Variants in CREBBP observed in about 807,000 individuals in gnomAD.
CREBBP encodes CREB binding lysine acetyltransferase.
In CREBBP, 19 loss-of-function variants were observed where a neutral mutation model predicts 265.0. The ratio of observed to expected loss-of-function variants is 0.07; its 90% CI spans 0.05 to 0.11. The LOEUF is 0.11. Ranked by LOEUF, CREBBP falls within the 10% of genes least tolerant of loss-of-function variation. The probability of loss-of-function intolerance (pLI) is 1.00; values close to 1 mark genes in which losing one functional copy is unlikely to be tolerated. For missense variants in CREBBP, 2,525 were observed against 3,219.0 expected (o/e 0.78, Z 5.22); for synonymous variants, 1,457 against 1,223.7 (o/e 1.19, Z -3.98).
chr16:3,861,151 A>T (rs1040260842), intron 1 of CREBBP, among the ~76,000 whole-genome samples: 5 of 152,140 alleles, frequency 3.3e-5, no homozygotes, highest in African/African-American at 1.2e-4. Flanking sequence ...GCGTGGTGGC[A>T]GGTGCCTATA....
chr16:3,856,095 A>G (rs190227649), intron 1 of CREBBP, among the ~76,000 whole-genome samples: 45 of 152,366 alleles, frequency 3.0e-4, no homozygotes, highest in African/African-American at 1.0e-3. Context: ...AAAAGGAAAA[A>G]AGAAAATATG....
chr16:3,831,133 G>C (rs12923533), intron 2 of CREBBP, among the ~76,000 whole-genome samples: 1 of 152,094 alleles, frequency 6.6e-6, no homozygotes, highest in African/African-American at 2.4e-5. Flanking sequence ...TTGCTGGGCC[G>C]TAAGACAAGT....
At chr16:3,877,641 T>A (rs559272704) in intron 1 of CREBBP, among the ~76,000 whole-genome samples, 30 of 152,196 alleles carry the variant, frequency 2.0e-4, no homozygotes, top group African/African-American at 7.0e-4. Flanking sequence ...TGACCTGAAG[T>A]TGATCCACCA....
intron 16 of CREBBP, 59 bp from the exon 17 acceptor site, chr16:3,759,031 T>TCA: frequency 7.6e-7 from 1 of 1,320,880 alleles, no homozygotes; most frequent in Non-Finnish European, 1.1e-6. Flanking sequence ...CCCTCCTACC[T>TCA]CACATTTAAA....
At chr16:3,739,338 G>C (rs960779374) in intron 25 of CREBBP, 5 of 553,048 alleles carry the variant, frequency 9.0e-6, no homozygotes, top group Non-Finnish European at 1.6e-5. Flanking sequence ...ACCTGCGTTA[G>C]GTAAGAGCGG....
intron 13 of CREBBP, among the ~76,000 whole-genome samples, chr16:3,772,829 G>A (rs1253795370): frequency 6.6e-6 from 1 of 151,314 alleles, no homozygotes; most frequent in Non-Finnish European, 1.5e-5. Flanking sequence ...CAGCACTTTG[G>A]GAGGCCGAGG....
chr16:3,813,156 T>C (rs747561924), intron 2 of CREBBP: 1 of 230,062 alleles, frequency 4.3e-6, no homozygotes, highest in Admixed American at 5.7e-5. Context: ...CAAAGGAGTA[T>C]AACCAGAAAG....
At position 3,821,916 on chromosome 16, in the gene CREBBP, G is replaced by C. The variant is rs76917847; in HGVS notation, c.799-11137C>G. Among the ~76,000 whole-genome samples the C allele has an allele frequency of 6.4e-3, 970 of 152,210 alleles. 11 individuals carry two copies. Among genetic ancestry groups the C allele is most frequent in the African/African-American group, 0.022 (921 of 41,526 alleles). On this transcript the variant is annotated intron_variant, in intron 2 of 30. Transcript: ENST00000262367. The stretch of plus-strand genomic sequence containing the variant: ...ATGGTGGCACACACCTGTAGCCCCA[G>C]CTACAGGTTTAGGCAGGAGAATCGC...
At chr16:3,737,787 T>C (rs1430412411) in intron 26 of CREBBP, among the ~76,000 whole-genome samples, 1 of 151,690 alleles carries the variant, frequency 6.6e-6, no homozygotes, top group Non-Finnish European at 1.5e-5. Context: ...TTTTCTTTTC[T>C]TTCTTTTTTC....
intron 1 of CREBBP, among the ~76,000 whole-genome samples, chr16:3,852,064 A>T (rs535740545): frequency 8.1e-4 from 117 of 143,732 alleles, no homozygotes; most frequent in Non-Finnish European, 1.5e-3. Flanking sequence ...AAAAAAAAAA[A>T]AAAAAAAAAA....
chr16:3,794,063 C>G (rs907054726), intron 3 of CREBBP, among the ~76,000 whole-genome samples: 2 of 151,156 alleles, frequency 1.3e-5, no homozygotes, highest in Non-Finnish European at 3.0e-5. Flanking sequence ...CGCGTTGGCT[C>G]ACGCCTGTAA....
chr16:3,873,656 G>A (rs1166903436), intron 1 of CREBBP, among the ~76,000 whole-genome samples: 2 of 152,120 alleles, frequency 1.3e-5, no homozygotes, highest in Non-Finnish European at 2.9e-5. Flanking sequence ...CCTGAGATGG[G>A]AATTGTTATT....
At chr16:3,834,843 T>TA (rs983651368) in intron 2 of CREBBP, among the ~76,000 whole-genome samples, 42 of 152,104 alleles carry the variant, frequency 2.8e-4, no homozygotes, top group Admixed American at 2.0e-4. Context: ...CAAACTACTC[T>TA]AAAAAAACCC....
chr16:3,848,087 T>G lies in CREBBP; in HGVS notation c.798+2210A>C, dbSNP rs142190226. ...CAGGAGGCTGAGGCAGGACAATCAC[T>G]TGAACCCAGGAGGCGGAGGTTGCAG... On this transcript the variant is annotated intron_variant, in intron 2 of 30. Transcript: ENST00000262367. 7.6e-4 allele frequency among the ~76,000 whole-genome samples: 116 copies of G among 151,896 alleles called. 1 individual carries two copies. In the East Asian group the frequency reaches 0.02, roughly 27 times the overall value.
rs148627780 is a variant in CREBBP, at chr16:3,796,734, T to G, written c.976-3108A>C. Among the ~76,000 whole-genome samples, 119 of 152,300 alleles carry G rather than the reference T, an allele frequency of 7.8e-4. 1 individual carries two copies. The East Asian group carries it at 0.021, about 26-fold the overall frequency. On this transcript the variant is annotated intron_variant, in intron 3 of 30. Transcript: ENST00000262367. The stretch of plus-strand genomic sequence containing the variant: ...CTTTTGCACTACACCTGACCATATG[T>G]CAAAACAGGATGGTTGGAAACTATA...
chr16:3,811,497 T>C (rs537484971), intron 2 of CREBBP, among the ~76,000 whole-genome samples: 1 of 152,336 alleles, frequency 6.6e-6, no homozygotes, highest in South Asian at 2.1e-4. Flanking sequence ...GTTTTATTTA[T>C]TTATTTTAAT....
rs2053093787 is a variant in CREBBP, at chr16:3,774,657, A to G, written c.2195T>C (p.Val732Ala). 1.9e-6 allele frequency: 3 copies of G among 1,614,054 alleles called. No homozygotes were observed. Among genetic ancestry groups the G allele is most frequent in the African/African-American group, 1.3e-5 (1 of 74,914 alleles). Residue 732 changes from valine (V) to alanine (A), a missense_variant, in exon 12 of 31, where the codon GTC becomes GCC. Around this residue, in one of 19 missense-constraint regions of CREBBP, gnomAD observed 548 missense variants for 533.0 expected, o/e 1.03. Transcript: ENST00000262367. ...NSFNPMSLGNVQLPQAPMGPR... is the reference protein window; with the variant it reads ...NSFNPMSLGNAQLPQAPMGPR... Reference sequence around the variant, plus strand: ...TCCCATGGGTGCTTGTGGCAACTGGACGTTCCCCAAGGACATGGGGTTAAA... The same window carrying G: ...TCCCATGGGTGCTTGTGGCAACTGGGCGTTCCCCAAGGACATGGGGTTAAA...
At chr16:3,748,418 GCCCTGGCATCTCGCCAAGACTA>G (rs2052397314) in intron 21 of CREBBP, among the ~76,000 whole-genome samples, 1 of 152,254 alleles carries the variant, frequency 6.6e-6, no homozygotes. Flanking sequence ...TGGGCGCTCT[GCCCTGGCATCTCGCCAAGACTA>G]CAGCTCTAGG....
At position 3,850,853 on chromosome 16, in the gene CREBBP, C is replaced by G. The variant is rs372793936; in HGVS notation, c.242G>C (p.Ser81Thr). 1.9e-6 allele frequency: 3 copies of G among 1,614,188 alleles called. No homozygotes were observed. Among genetic ancestry groups the G allele is most frequent in the Non-Finnish European group, 2.5e-6 (3 of 1,180,052 alleles). ...SELLRGGSGS[S>T]INPGIGNVSA... is the part of the protein sequence containing the mutation. ...CACATTTCCTATTCCTGGGTTGATA[C>G]TAGAGCCGCTGCCTCCTCGTAGAAG... is the stretch of plus-strand genomic sequence containing the variant. Residue 81 changes from serine to threonine, a missense_variant, in exon 2 of 31, where the codon AGT becomes ACT. Ser to Thr is a moderately conservative substitution (Grantham distance 58, BLOSUM62 1). This residue lies in a region of CREBBP where 356 missense variants were observed against 340.4 expected (regional missense o/e 1.05). Transcript: ENST00000262367.
Sources: gnomAD v4.1 joint callset for allele counts (sites outside exome capture counted in the v4.1 genomes callset) on GRCh38, gnomAD v4.1.1 for gene constraint, gnomAD v4.1.1 regional missense constraint, MANE v1.5 for transcripts, NCBI Gene and HGNC (gene_info 2026-07-23, HGNC 2026-07-21) for gene names.